The following NRG1 variants were observed in gnomAD, a reference collection of about 807,000 sequenced individuals.
The protein encoded by NRG1 is neuregulin 1.
In NRG1, 18 loss-of-function variants were observed where a neutral mutation model predicts 63.8. The ratio of observed to expected loss-of-function variants is 0.28; its 90% CI spans 0.19 to 0.42. The LOEUF is 0.42. Among genes scored for constraint, NRG1 ranks in the 10% least tolerant of loss-of-function variants. NRG1 has a pLI of 1.00. For missense variants in NRG1, 762 were observed against 814.7 expected (o/e 0.94, Z 0.79); for synonymous variants, 302 against 301.3 (o/e 1.00, Z -0.02).
chr8:31,906,215 G>T (rs117641243), intron 1 of NRG1, among the ~76,000 whole-genome samples: 310 of 152,292 alleles, frequency 2.0e-3, no homozygotes, highest in Non-Finnish European at 3.2e-3. Flanking sequence ...TCACTGTGTG[G>T]CTGTTGTCAG....
chr8:32,344,354 C>A (rs1401538314), intron 1 of NRG1, among the ~76,000 whole-genome samples: 1 of 36,348 alleles, frequency 2.8e-5, no homozygotes, highest in Non-Finnish European at 6.9e-5. Context: ...TTCTTTCTTT[C>A]TTTCTTTCTT....
intron 1 of NRG1, among the ~76,000 whole-genome samples, chr8:32,406,995 A>G (rs1038340803): frequency 5.9e-5 from 9 of 151,966 alleles, no homozygotes; most frequent in Non-Finnish European, 1.2e-4. Flanking sequence ...TCAGGCTATC[A>G]TGGGAAGAGT....
intron 1 of NRG1, among the ~76,000 whole-genome samples, chr8:31,745,931 C>T (rs895946979): frequency 6.6e-6 from 1 of 151,882 alleles, no homozygotes; most frequent in Non-Finnish European, 1.5e-5. Flanking sequence ...CAAGTAATCA[C>T]GAGATTACCA....
intron 1 of NRG1, among the ~76,000 whole-genome samples, chr8:31,657,146 G>T (rs1371887852): frequency 6.6e-6 from 1 of 152,184 alleles, no homozygotes; most frequent in Admixed American, 6.5e-5. Context: ...TGGGAAGAAT[G>T]ATTTTGAATT....
At chr8:32,492,560 G>T (rs917265609) in intron 1 of NRG1, among the ~76,000 whole-genome samples, 3 of 152,082 alleles carry the variant, frequency 2.0e-5, no homozygotes, top group Non-Finnish European at 2.9e-5. Flanking sequence ...CCTATGGAGA[G>T]ATGTCCTTAA....
At chr8:31,882,514 G>C (rs183039879) in intron 1 of NRG1, among the ~76,000 whole-genome samples, 3 of 151,970 alleles carry the variant, frequency 2.0e-5, no homozygotes, top group Non-Finnish European at 4.4e-5. Flanking sequence ...TCTAAGTCTT[G>C]TTATTGAAGA....
chr8:31,947,306 C>CAAAAAAAAAAAAAAAAAAAAAA (rs61713691), intron 1 of NRG1, among the ~76,000 whole-genome samples: 2 of 132,676 alleles, frequency 1.5e-5, no homozygotes, highest in African/African-American at 6.4e-5. Flanking sequence ...GACTCCGTCT[C>CAAAAAAAAAAAAAAAAAAAAAA]AAAAAAAAAA....
chr8:31,915,311 C>T (rs572733128), intron 1 of NRG1, among the ~76,000 whole-genome samples: 3 of 152,218 alleles, frequency 2.0e-5, no homozygotes, highest in East Asian at 1.9e-4. Context: ...CCATAAATTA[C>T]GATGGCAGGC....
chr8:32,090,438 A>G (rs1285526436), intron 1 of NRG1, among the ~76,000 whole-genome samples: 2 of 152,116 alleles, frequency 1.3e-5, no homozygotes, highest in African/African-American at 4.8e-5. Flanking sequence ...CTCCTGCCTC[A>G]GCCTCCCGAG....
chr8:32,357,656 T>A (rs1026611743), intron 1 of NRG1, among the ~76,000 whole-genome samples: 4 of 152,230 alleles, frequency 2.6e-5, no homozygotes, highest in African/African-American at 7.2e-5. Context: ...CTCTCTTTCC[T>A]AGAGCCTATG....
intron 1 of NRG1, among the ~76,000 whole-genome samples, chr8:32,366,653 T>TATAG (rs752372898): frequency 2.9e-5 from 3 of 101,978 alleles, no homozygotes; most frequent in South Asian, 6.9e-4. Flanking sequence ...GTAATATATA[T>TATAG]TGTGTGTGTG....
At chr8:32,459,880 A>G (rs1173697072) in intron 1 of NRG1, among the ~76,000 whole-genome samples, 3 of 152,166 alleles carry the variant, frequency 2.0e-5, no homozygotes, top group East Asian at 3.9e-4. Context: ...AAAGATTGGT[A>G]TCTTGTTTAG....
chr8:32,536,060 T>A (rs564428612), intron 1 of NRG1, among the ~76,000 whole-genome samples: 2 of 152,362 alleles, frequency 1.3e-5, no homozygotes, highest in African/African-American at 4.8e-5. Flanking sequence ...TGTAACACAT[T>A]GCCCAATGCA....
chr8:32,239,614 A>G (rs1847911597), intron 1 of NRG1, among the ~76,000 whole-genome samples: 1 of 152,206 alleles, frequency 6.6e-6, no homozygotes, highest in Non-Finnish European at 1.5e-5. Context: ...GTAAAGAATT[A>G]AAAGAAACAC....
intron 1 of NRG1, among the ~76,000 whole-genome samples, chr8:31,890,124 A>C (rs540311979): frequency 6.6e-6 from 1 of 152,262 alleles, no homozygotes; most frequent in South Asian, 2.1e-4. Context: ...AGCAACATCC[A>C]TCCCTGGCCA....
At chr8:32,162,000 A>C (rs1838883791) in intron 1 of NRG1, among the ~76,000 whole-genome samples, 1 of 152,226 alleles carries the variant, frequency 6.6e-6, no homozygotes, top group South Asian at 2.1e-4. Flanking sequence ...TTTGATGATC[A>C]TCTAGGCAAT....
intron 1 of NRG1, among the ~76,000 whole-genome samples, chr8:31,784,297 A>C (rs780517243): frequency 3.3e-5 from 5 of 152,218 alleles, no homozygotes; most frequent in Admixed American, 1.3e-4. Flanking sequence ...CTACTTGTTA[A>C]GGAAATCATG....
chr8:32,664,759 C>A (rs565357824), intron 5 of NRG1, among the ~76,000 whole-genome samples: 1 of 151,984 alleles, frequency 6.6e-6, no homozygotes, highest in Non-Finnish European at 1.5e-5. Context: ...TAATTGAATG[C>A]GGAGAAGGAA....
At chr8:32,279,029 G>A (rs1852409947) in intron 1 of NRG1, among the ~76,000 whole-genome samples, 1 of 152,120 alleles carries the variant, frequency 6.6e-6, no homozygotes, top group Non-Finnish European at 1.5e-5. Context: ...ATGAATAAAG[G>A]GAAATTCTCT....
Sources: allele counts gnomAD v4.1 joint callset (sites outside exome capture counted in the v4.1 genomes callset), GRCh38; gene constraint gnomAD v4.1.1; transcripts MANE v1.5; gene names NCBI Gene and HGNC (gene_info 2026-07-23, HGNC 2026-07-21).